The following ZFHX3 variants were observed in gnomAD, a reference collection of about 807,000 sequenced individuals.
The protein encoded by ZFHX3 is zinc finger homeobox 3.
A neutral mutation model predicts 279.1 loss-of-function variants in ZFHX3; 42 were observed. The observed-to-expected ratio is 0.15, with a 90% CI of 0.12 to 0.19. The LOEUF (loss-of-function observed/expected upper bound fraction) is 0.19, where lower values mean the gene tolerates loss of function less well. Among genes scored for constraint, ZFHX3 ranks in the 10% least tolerant of loss-of-function variants. The probability of loss-of-function intolerance (pLI) is 1.00; values close to 1 mark genes in which losing one functional copy is unlikely to be tolerated. For synonymous variants in ZFHX3, 2,293 were observed against 1,957.8 expected, an observed-to-expected ratio of 1.17 and a Z score of -4.52; for missense variants, 4,981 against 4,754.0, an observed-to-expected ratio of 1.05 and a Z score of -1.40.
At chr16:73,394,450 C>G (rs2017086655) in intron 3 of ZFHX3, among the ~76,000 whole-genome samples, 2 of 152,002 alleles carry the variant, frequency 1.3e-5, no homozygotes, top group South Asian at 4.2e-4. Context: ...TGCCCCCTAC[C>G]ACGCCCAGCT....
chr16:73,105,471 G>T (rs1174534908), intron 7 of ZFHX3, among the ~76,000 whole-genome samples: 5 of 111,274 alleles, frequency 4.5e-5, no homozygotes, highest in Non-Finnish European at 7.9e-5. Flanking sequence ...TTTCCCCCAG[G>T]CCAGGCGTGC....
At chr16:73,272,183 C>G (rs2014165566) in intron 4 of ZFHX3, among the ~76,000 whole-genome samples, 1 of 152,120 alleles carries the variant, frequency 6.6e-6, no homozygotes, top group South Asian at 2.1e-4. Flanking sequence ...TTATATTACT[C>G]CCTTTTTAAA....
At chr16:73,146,838 G>A (rs142396544) in intron 5 of ZFHX3, among the ~76,000 whole-genome samples, 1 of 152,022 alleles carries the variant, frequency 6.6e-6, no homozygotes, top group African/African-American at 2.4e-5. Context: ...TGTATTTTTT[G>A]TAGATGTGGA....
At chr16:73,215,448 A>G (rs958616162) in intron 5 of ZFHX3, among the ~76,000 whole-genome samples, 7 of 152,262 alleles carry the variant, frequency 4.6e-5, no homozygotes, top group Non-Finnish European at 5.9e-5. Context: ...AGCTGCTGCC[A>G]AGACTATAAT....
At chr16:73,695,411 T>C (rs1467938627) in intron 1 of ZFHX3, among the ~76,000 whole-genome samples, 1 of 152,010 alleles carries the variant, frequency 6.6e-6, no homozygotes, top group Admixed American at 6.6e-5. Context: ...AATAAAATGT[T>C]TTATGATAAT....
chr16:73,738,189 C>G (rs1479867696), intron 1 of ZFHX3, among the ~76,000 whole-genome samples: 1 of 152,192 alleles, frequency 6.6e-6, no homozygotes, highest in African/African-American at 2.4e-5. Flanking sequence ...AAATGGAAAA[C>G]AAGTAAGTTA....
chr16:73,866,698 G>A (rs553720655), intron 1 of ZFHX3, among the ~76,000 whole-genome samples: 63 of 152,260 alleles, frequency 4.1e-4, no homozygotes, highest in African/African-American at 1.5e-3. Flanking sequence ...GTTCCAGTTG[G>A]GCTTCCCTCA....
chr16:73,169,186 G>A (rs1490462587), intron 5 of ZFHX3, among the ~76,000 whole-genome samples: 2 of 152,264 alleles, frequency 1.3e-5, no homozygotes, highest in East Asian at 3.9e-4. Flanking sequence ...CATATTGAAT[G>A]CCTAATACAT....
intron 2 of ZFHX3, among the ~76,000 whole-genome samples, chr16:72,955,977 C>G (rs1157193629): frequency 2.6e-5 from 4 of 152,146 alleles, no homozygotes; most frequent in Admixed American, 6.5e-5. Flanking sequence ...ATGGTTCACC[C>G]TGGTGACAAA....
intron 2 of ZFHX3, among the ~76,000 whole-genome samples, chr16:73,509,504 A>C (rs2019386102): frequency 7.0e-6 from 1 of 142,068 alleles, no homozygotes; most frequent in Admixed American, 7.1e-5. Context: ...CAGACAGTTT[A>C]GCTTTCTTTC....
At chr16:73,479,168 T>TGAAGA (rs2018822087) in intron 2 of ZFHX3, among the ~76,000 whole-genome samples, 1 of 152,128 alleles carries the variant, frequency 6.6e-6, no homozygotes, top group African/African-American at 2.4e-5. Context: ...GACATGAGCT[T>TGAAGA]GAAGATGGAA....
chr16:73,586,254 T>A (rs2051924768), intron 2 of ZFHX3, among the ~76,000 whole-genome samples: 2 of 150,488 alleles, frequency 1.3e-5, no homozygotes, highest in African/African-American at 2.5e-5. Flanking sequence ...CTGGGTGTGG[T>A]GGCACATGCC....
At chr16:72,935,762 C>T (rs900236856) in intron 3 of ZFHX3, among the ~76,000 whole-genome samples, 1 of 151,632 alleles carries the variant, frequency 6.6e-6, no homozygotes, top group Non-Finnish European at 1.5e-5. Context: ...CATCTTTTGC[C>T]ATCAAATCAT....
At chr16:73,290,544 T>C (rs757520604) in intron 4 of ZFHX3, among the ~76,000 whole-genome samples, 5 of 152,058 alleles carry the variant, frequency 3.3e-5, no homozygotes, top group Non-Finnish European at 5.9e-5. Flanking sequence ...TTCAGCCTAG[T>C]AGGTTTCCAG....
chr16:72,796,878 C>G lies in ZFHX3; in HGVS notation c.5804G>C (p.Arg1935Pro), dbSNP rs752574946. ...GGSEPSMLPP[R>P]IASDARGNAT... The stretch of plus-strand genomic sequence containing the variant: ...GTTCCCTCTGGCATCTGAAGCAATG[C>G]GTGGAGGGAGCATGGAAGGCTCAGA... The change falls in exon 9 of 10, where the codon CGC becomes CCC. Residue 1935 changes from arginine (R) to proline (P), a missense_variant. Physicochemically the swap from Arg to Pro is moderately radical, Grantham distance 103. Coordinates refer to ENST00000268489, the MANE Select transcript of ZFHX3 (RefSeq NM_006885.4). The G allele has an allele frequency of 6.2e-7, 1 of 1,613,634 alleles. No homozygotes were observed.
At chr16:73,100,507 CAT>C (rs1966217500) in intron 7 of ZFHX3, among the ~76,000 whole-genome samples, 1 of 151,986 alleles carries the variant, frequency 6.6e-6, no homozygotes, top group Non-Finnish European at 1.5e-5. Flanking sequence ...GCCCCTTCAC[CAT>C]ACTTAAATGG....
intron 3 of ZFHX3, among the ~76,000 whole-genome samples, chr16:73,407,568 G>T (rs2017386075): frequency 6.6e-6 from 1 of 152,176 alleles, no homozygotes; most frequent in Non-Finnish European, 1.5e-5. Flanking sequence ...TGAGGGAGTG[G>T]CAGGGTCAGG....
At chr16:72,792,580 T>C (rs1354852173) in intron 9 of ZFHX3, among the ~76,000 whole-genome samples, 1 of 152,154 alleles carries the variant, frequency 6.6e-6, no homozygotes, top group Non-Finnish European at 1.5e-5. Flanking sequence ...GCCTCCCGAA[T>C]AGCTGGGACT....
At chr16:72,946,548 A>C (rs1960686298) in intron 3 of ZFHX3, among the ~76,000 whole-genome samples, 1 of 152,176 alleles carries the variant, frequency 6.6e-6, no homozygotes, top group Non-Finnish European at 1.5e-5. Flanking sequence ...GTGTGCACTG[A>C]TTTCCAACTG....
Sources: gnomAD v4.1 joint callset for allele counts (sites outside exome capture counted in the v4.1 genomes callset) on GRCh38, gnomAD v4.1.1 for gene constraint, MANE v1.5 for transcripts, NCBI Gene and HGNC (gene_info 2026-07-23, HGNC 2026-07-21) for gene names.